The following ABHD3 variants were observed in gnomAD, a reference collection of about 807,000 sequenced individuals.
The protein encoded by ABHD3 is abhydrolase domain containing 3, phospholipase.
Under a neutral mutation model 48.8 loss-of-function variants are expected in ABHD3, and 46 were observed. That is an observed-to-expected ratio of 0.94 (90% CI 0.74 to 1.20). ABHD3 has a LOEUF of 1.20. Among genes scored for constraint, ABHD3 ranks in the 50% most tolerant of loss-of-function variants. The pLI is 0.00. For synonymous variants in ABHD3, 192 were observed against 183.7 expected (o/e 1.04, Z -0.36); for missense variants, 490 against 497.8 (o/e 0.98, Z 0.15).
intron 4 of ABHD3, among the ~76,000 whole-genome samples, chr18:21,670,343 T>A (rs2039729537): frequency 6.6e-6 from 1 of 152,186 alleles, no homozygotes; most frequent in Non-Finnish European, 1.5e-5. Context: ...TCACCTGGAC[T>A]GCCACAAAAC....
At chr18:21,662,616 T>A (rs183275416) in intron 5 of ABHD3, among the ~76,000 whole-genome samples, 9 of 152,246 alleles carry the variant, frequency 5.9e-5, no homozygotes, top group Admixed American at 3.3e-4. Context: ...CATGGACTGT[T>A]TTTGCGTGTT....
intron 4 of ABHD3, among the ~76,000 whole-genome samples, chr18:21,668,627 TTA>T (rs2039690784): frequency 2.6e-5 from 4 of 152,136 alleles, no homozygotes; most frequent in Admixed American, 1.3e-4. Flanking sequence ...AGAGCCTGCG[TTA>T]TATGTTTGTA....
chr18:21,703,666 G>C lies in ABHD3; in HGVS notation c.244C>G (p.Pro82Ala). 1 of 1,614,116 alleles carries C rather than the reference G, an allele frequency of 6.2e-7. No individual in the cohort carries two copies. Among genetic ancestry groups the C allele is most frequent in the Non-Finnish European group, 8.5e-7 (1 of 1,180,020 alleles). Residue 82 changes from proline (P) to alanine (A), a missense_variant, in exon 2 of 9, where the codon CCG becomes GCG. Coordinates refer to ENST00000289119, the MANE Select transcript of ABHD3 (RefSeq NM_138340.5). ...CGACCCTCCCAGCACCAGACCGTCG[G>C]GTAGTACGTTTCTGTAACCACGGGA... ...HCPVVTETYYPTVWCWEGRGQ... is the reference protein window; with the variant it reads ...HCPVVTETYYATVWCWEGRGQ...
intron 3 of ABHD3, among the ~76,000 whole-genome samples, chr18:21,684,889 C>T (rs2146320128): frequency 1.3e-5 from 2 of 152,204 alleles, no homozygotes; most frequent in African/African-American, 4.8e-5. Context: ...TTTCTCTGAT[C>T]CTGTTTGCAT....
At position 21,676,166 on chromosome 18, in the gene ABHD3, G is replaced by A. The variant is rs555108909; in HGVS notation, c.555+7754C>T. Among the ~76,000 whole-genome samples the A allele has an allele frequency of 2.0e-5, 3 of 152,240 alleles. No homozygotes were observed. In the East Asian group the frequency reaches 5.8e-4, roughly 29 times the overall value. On this transcript the variant is annotated intron_variant, in intron 4 of 8. Coordinates refer to ENST00000289119, the MANE Select transcript of ABHD3 (RefSeq NM_138340.5). Reference sequence around the variant, plus strand: ...TGCTGGGGCAGGGAACACAAACATTGGGTCTACAACAATATTTTATAGCCA... The same window carrying A: ...TGCTGGGGCAGGGAACACAAACATTAGGTCTACAACAATATTTTATAGCCA...
chr18:21,702,843 A>T (rs142068181), intron 2 of ABHD3, among the ~76,000 whole-genome samples: 23 of 152,356 alleles, frequency 1.5e-4, no homozygotes, highest in African/African-American at 5.1e-4. Flanking sequence ...AAGTCTGAGT[A>T]AGTAAAATGC....
intron 4 of ABHD3, among the ~76,000 whole-genome samples, chr18:21,665,584 A>G (rs913769454): frequency 2.6e-5 from 4 of 152,106 alleles, no homozygotes; most frequent in East Asian, 1.9e-4. Context: ...TGGGAGGCCA[A>G]GGCAGGTGGA....
Position 21,660,988 on chromosome 18 carries a change from G to A in ABHD3, c.669-1645C>T, listed in dbSNP as rs1458297569. 4.0e-5 allele frequency among the ~76,000 whole-genome samples: 6 copies of A among 149,796 alleles called. No homozygotes were observed. In the East Asian group the frequency reaches 1.0e-3, roughly 25 times the overall value. On this transcript the variant is annotated intron_variant, in intron 5 of 8. Transcript: ENST00000289119. ...AGATATGACCAAGCAGGTGGAATAC[G>A]TCTTGGTTATTACTCAGCAGCAAAA... is the stretch of plus-strand genomic sequence containing the variant.
At chr18:21,687,209 C>T (rs185876294) in intron 3 of ABHD3, among the ~76,000 whole-genome samples, 3 of 151,954 alleles carry the variant, frequency 2.0e-5, no homozygotes, top group Admixed American at 2.0e-4. Context: ...TGTGCCCAGC[C>T]TGTTTTTATT....
chr18:21,681,030 T>C (rs1012999863), intron 4 of ABHD3, among the ~76,000 whole-genome samples: 56 of 151,914 alleles, frequency 3.7e-4, no homozygotes, highest in African/African-American at 1.2e-3. Context: ...TCCCAGCCTG[T>C]TGTTTCTTAA....
intron 3 of ABHD3, among the ~76,000 whole-genome samples, chr18:21,688,824 A>G (rs954493457): frequency 2.0e-5 from 3 of 152,242 alleles, no homozygotes; most frequent in Non-Finnish European, 4.4e-5. Context: ...GGAGTAATCC[A>G]AGCAAAGATA....
intron 8 of ABHD3, among the ~76,000 whole-genome samples, chr18:21,654,593 G>A (rs2039302619): frequency 6.6e-6 from 1 of 152,194 alleles, no homozygotes; most frequent in Admixed American, 6.5e-5. Flanking sequence ...AGGGGGAATG[G>A]CTGATACTAT....
chr18:21,687,084 CT>C (rs1361461634), intron 3 of ABHD3, among the ~76,000 whole-genome samples: 1 of 148,848 alleles, frequency 6.7e-6, no homozygotes, highest in African/African-American at 2.5e-5. Context: ...AATTTTTAAA[CT>C]TTTTGTAGAG....
At chr18:21,654,637 T>C (rs1319675857) in intron 8 of ABHD3, among the ~76,000 whole-genome samples, 1 of 152,118 alleles carries the variant, frequency 6.6e-6, no homozygotes, top group Non-Finnish European at 1.5e-5. Flanking sequence ...ACATTTAGAG[T>C]GTTTCATTTG....
intron 3 of ABHD3, among the ~76,000 whole-genome samples, chr18:21,686,031 A>G (rs895020443): frequency 6.6e-6 from 1 of 152,078 alleles, no homozygotes; most frequent in African/African-American, 2.4e-5. Flanking sequence ...ATTTGTAAAA[A>G]CAGGATCTCA....
intron 3 of ABHD3, among the ~76,000 whole-genome samples, chr18:21,690,996 CA>C (rs34425997): frequency 0.21 from 13,126 of 63,292 alleles, 263 homozygotes; most frequent in Middle Eastern, 0.29. Flanking sequence ...GACTCTGTCT[CA>C]AAAAAAAAAA....
intron 4 of ABHD3, among the ~76,000 whole-genome samples, chr18:21,669,977 A>C (rs2039720466): frequency 6.6e-6 from 1 of 152,100 alleles, no homozygotes; most frequent in Admixed American, 6.6e-5. Context: ...AAAGGCAGGA[A>C]GTCAATAAGA....
rs1280605032 is a variant in ABHD3, at chr18:21,664,024, AAGTGTCCATACAGCT to A, written c.668+79_668+93del. On this transcript the variant is annotated intron_variant, in intron 5 of 8. Coordinates refer to ENST00000289119, the MANE Select transcript of ABHD3 (RefSeq NM_138340.5). Reference sequence around the variant, plus strand: ...AAACATAATCAGACATTTATTTAAAAAGTGTCCATACAGCTAGCTTATAGTCCTCTCAAAGAGACA... The same window carrying A: ...AAACATAATCAGACATTTATTTAAAAAGCTTATAGTCCTCTCAAAGAGACA... The A allele has an allele frequency of 1.5e-5, 22 of 1,457,618 alleles. No homozygotes were observed. In the East Asian group the frequency reaches 5.5e-4, roughly 36 times the overall value. 90.3% of individuals were successfully genotyped at this position (1,457,618 alleles called of 1,614,324 possible). A position where few individuals can be genotyped will look rare whatever the true frequency, so the allele number is the denominator to read the frequency against.
intron 5 of ABHD3, among the ~76,000 whole-genome samples, chr18:21,662,573 C>T (rs958996898): frequency 1.3e-5 from 2 of 152,122 alleles, no homozygotes; most frequent in African/African-American, 4.8e-5. Context: ...AGGGATTACC[C>T]CAGTCCATGG....
Sources: gnomAD v4.1 joint callset for allele counts (sites outside exome capture counted in the v4.1 genomes callset) on GRCh38, gnomAD v4.1.1 for gene constraint, MANE v1.5 for transcripts, NCBI Gene and HGNC (gene_info 2026-07-23, HGNC 2026-07-21) for gene names.